The following SHISA9 variants were observed in gnomAD, a reference collection of about 807,000 sequenced individuals.
SHISA9 encodes the protein shisa family member 9, also known as protein shisa-9.
Under a neutral mutation model 38.0 loss-of-function variants are expected in SHISA9, and 13 were observed. The observed-to-expected ratio is 0.34, with a 90% CI of 0.22 to 0.54. The LOEUF (loss-of-function observed/expected upper bound fraction) is 0.54, where lower values mean the gene tolerates loss of function less well. SHISA9 is among the 20% of genes least tolerant of loss of function. The pLI, the probability that SHISA9 is intolerant of heterozygous loss-of-function variation, is 0.91. For missense variants in SHISA9, 538 were observed against 575.8 expected (o/e 0.93, Z 0.67); for synonymous variants, 275 against 242.0 (o/e 1.14, Z -1.27).
chr16:13,392,547 G>T, the SHISA9 span, among the ~76,000 whole-genome samples: 10 of 152,128 alleles, frequency 6.6e-5, no homozygotes, highest in Non-Finnish European at 4.4e-5. Flanking sequence ...GAATCAGCAG[G>T]TGGCGGCATT....
chr16:13,062,021 C>T (rs2073382342), intron 2 of SHISA9, among the ~76,000 whole-genome samples: 1 of 152,120 alleles, frequency 6.6e-6, no homozygotes, highest in Non-Finnish European at 1.5e-5. Context: ...GTAGGGAAGG[C>T]GAAGTGCCCA....
At chr16:13,290,036 A>G in the SHISA9 span, among the ~76,000 whole-genome samples, 1 of 152,188 alleles carries the variant, frequency 6.6e-6, no homozygotes. Context: ...ACAAATATTT[A>G]CTATTCTATG....
the SHISA9 span, among the ~76,000 whole-genome samples, chr16:13,502,608 C>T: frequency 1.3e-5 from 2 of 152,136 alleles, no homozygotes; most frequent in Non-Finnish European, 2.9e-5. Context: ...GGCGCGGTGG[C>T]TCACACCTGT....
chr16:13,360,489 T>G, the SHISA9 span, among the ~76,000 whole-genome samples: 1 of 152,288 alleles, frequency 6.6e-6, no homozygotes, highest in East Asian at 1.9e-4. Flanking sequence ...TCTGATGTTT[T>G]TATAATGGGC....
intron 4 of SHISA9, among the ~76,000 whole-genome samples, chr16:13,218,204 G>A (rs2051189899): frequency 6.6e-6 from 1 of 152,206 alleles, no homozygotes; most frequent in African/African-American, 2.4e-5. Flanking sequence ...GGGGCTTGAG[G>A]ACTTGACCCA....
chr16:13,262,678 G>GAGGAAGGAAGGAAGGA, the SHISA9 span, among the ~76,000 whole-genome samples: 33 of 55,888 alleles, frequency 5.9e-4, no homozygotes, highest in Non-Finnish European at 7.4e-4. Flanking sequence ...GGAAGGGAGG[G>GAGGAAGGAAGGAAGGA]AGGAAGGAAG....
chr16:13,048,582 T>C (rs1048583724), intron 2 of SHISA9, among the ~76,000 whole-genome samples: 1 of 152,164 alleles, frequency 6.6e-6, no homozygotes, highest in African/African-American at 2.4e-5. Flanking sequence ...CCACCACACC[T>C]GGCTAATTTT....
the SHISA9 span, among the ~76,000 whole-genome samples, chr16:13,447,022 T>C: frequency 4.8e-3 from 723 of 149,948 alleles, 5 homozygotes; most frequent in Non-Finnish European, 8.9e-3. Flanking sequence ...GGTAAAACTA[T>C]GTGTGGGGCT....
At chr16:12,965,178 A>T (rs901870600) in intron 2 of SHISA9, among the ~76,000 whole-genome samples, 1 of 152,178 alleles carries the variant, frequency 6.6e-6, no homozygotes, top group Non-Finnish European at 1.5e-5. Context: ...ACATCATATT[A>T]CATCAATATT....
chr16:13,123,066 T>C (rs1756289208), intron 2 of SHISA9, among the ~76,000 whole-genome samples: 1 of 152,204 alleles, frequency 6.6e-6, no homozygotes, highest in Non-Finnish European at 1.5e-5. Flanking sequence ...ATTATTATCA[T>C]TTCTGTTTTA....
chr16:13,450,855 A>G, the SHISA9 span, among the ~76,000 whole-genome samples: 1 of 152,098 alleles, frequency 6.6e-6, no homozygotes, highest in Non-Finnish European at 1.5e-5. Context: ...TTTCTTGAGG[A>G]TCCGATATGG....
At chr16:13,173,995 C>T (rs1465369103) in intron 2 of SHISA9, among the ~76,000 whole-genome samples, 2 of 152,090 alleles carry the variant, frequency 1.3e-5, no homozygotes, top group African/African-American at 4.8e-5. Context: ...GCAGATTCCA[C>T]AGTCTGGGAC....
intron 1 of SHISA9, among the ~76,000 whole-genome samples, chr16:12,916,373 A>G (rs1361358822): frequency 1.3e-5 from 2 of 152,168 alleles, no homozygotes; most frequent in Non-Finnish European, 2.9e-5. Context: ...ATAAAGAGAG[A>G]ACTAAATCTA....
chr16:13,078,102 G>T (rs183658566), intron 2 of SHISA9, among the ~76,000 whole-genome samples: 2 of 152,278 alleles, frequency 1.3e-5, no homozygotes, highest in Non-Finnish European at 2.9e-5. Flanking sequence ...TTGGAAACAG[G>T]TTTGATTCTC....
the SHISA9 span, among the ~76,000 whole-genome samples, chr16:13,500,071 T>A: frequency 6.6e-6 from 1 of 152,158 alleles, no homozygotes; most frequent in Non-Finnish European, 1.5e-5. Flanking sequence ...TCATCTTGAA[T>A]TGTAATCCTC....
At chr16:13,049,380 A>G (rs965766621) in intron 2 of SHISA9, among the ~76,000 whole-genome samples, 2 of 152,174 alleles carry the variant, frequency 1.3e-5, no homozygotes, top group Non-Finnish European at 2.9e-5. Context: ...ATTGTCTATC[A>G]GGTGCCTAGC....
chr16:13,469,322 G>GAAAGAAAGA, the SHISA9 span, among the ~76,000 whole-genome samples: 1 of 72,030 alleles, frequency 1.4e-5, no homozygotes, highest in African/African-American at 5.7e-5. Context: ...GAGAGAGAGA[G>GAAAGAAAGA]AAAGAAAGAA....
At chr16:13,254,621 C>A in the SHISA9 span, among the ~76,000 whole-genome samples, 13 of 152,228 alleles carry the variant, frequency 8.5e-5, no homozygotes, top group African/African-American at 3.1e-4. Context: ...ATTACCATGA[C>A]GTTCTTTCCA....
the SHISA9 span, among the ~76,000 whole-genome samples, chr16:13,386,377 G>A: frequency 6.6e-6 from 1 of 152,102 alleles, no homozygotes; most frequent in Admixed American, 6.5e-5. Flanking sequence ...ACTTTAATGC[G>A]AGTTCTATGC....
Sources: gnomAD v4.1 joint callset for allele counts (sites outside exome capture counted in the v4.1 genomes callset) on GRCh38, gnomAD v4.1.1 for gene constraint, MANE v1.5 for transcripts, NCBI Gene and HGNC (gene_info 2026-07-23, HGNC 2026-07-21) for gene names.